The following LAMA2 variants were observed in gnomAD, a reference collection of about 807,000 sequenced individuals.
The protein encoded by LAMA2 is laminin subunit alpha 2.
LAMA2 carries 269 observed loss-of-function variants against 364.8 expected under a neutral mutation model. The ratio of observed to expected loss-of-function variants is 0.74; its 90% CI spans 0.67 to 0.82. The LOEUF is 0.82. Ranked by LOEUF, LAMA2 falls within the 40% of genes least tolerant of loss-of-function variation. The pLI, the probability that LAMA2 is intolerant of heterozygous loss-of-function variation, is 0.00. For synonymous variants in LAMA2, 1,379 were observed against 1,370.6 expected, an observed-to-expected ratio of 1.01 and a Z score of -0.14; for missense variants, 3,807 against 3,873.2, an observed-to-expected ratio of 0.98 and a Z score of 0.45.
chr6:129,315,472 G>T lies in LAMA2; in HGVS notation c.3556-4G>T, dbSNP rs371404086. ...GCCTTCTGCTGTATTTTGACCCCTT[G>T]CAGGTGACTCTGAAGGCTGAGCAGA... On this transcript the variant is annotated splice_polypyrimidine_tract_variant and splice_region_variant and intron_variant, in intron 24 of 64. Transcript: ENST00000421865. The T allele has an allele frequency of 3.7e-6, 6 of 1,613,928 alleles. No individual in the cohort carries two copies. The highest frequency in any genetic ancestry group is 5.1e-6 in the Non-Finnish European group (6 of 1,179,796).
chr6:129,382,455 G>T (rs779671094), intron 34 of LAMA2, among the ~76,000 whole-genome samples: 1 of 152,120 alleles, frequency 6.6e-6, no homozygotes, highest in Admixed American at 6.5e-5. Context: ...TCTTTGGGAG[G>T]TGGGGCTGTT....
intron 15 of LAMA2, among the ~76,000 whole-genome samples, chr6:129,262,650 T>G (rs953419078): frequency 6.6e-6 from 1 of 152,180 alleles, no homozygotes; most frequent in African/African-American, 2.4e-5. Flanking sequence ...TCTTCTACTC[T>G]CTAAAATTCA....
At chr6:128,967,904 A>G (rs1438525035) in intron 1 of LAMA2, among the ~76,000 whole-genome samples, 1 of 152,186 alleles carries the variant, frequency 6.6e-6, no homozygotes, top group African/African-American at 2.4e-5. Flanking sequence ...TCTTAGCCGA[A>G]GATTCCCAGC....
rs1786690197 is a variant in LAMA2 at position 129,512,613 on chromosome 6, A to G, written c.8988+120A>G. 34 of 1,114,328 alleles carry G rather than the reference A, an allele frequency of 3.1e-5. No individual in the cohort carries two copies. In the South Asian group the frequency reaches 4.0e-4, roughly 13 times the overall value. The allele number at this position is 1,114,328 out of a possible 1,614,324, so 69.0% of individuals were successfully genotyped here. Reference sequence around the variant, plus strand: ...CCGGCTGTATTCTTTGTTGGGAGAAAGCTAAATTGTATGTTTTCATCCTTC... The same window carrying G: ...CCGGCTGTATTCTTTGTTGGGAGAAGGCTAAATTGTATGTTTTCATCCTTC... On this transcript the variant is annotated intron_variant, in intron 63 of 64. Transcript: ENST00000421865.
At chr6:129,445,600 C>A in intron 44 of LAMA2, 67 bp from the exon 45 acceptor site, 1 of 1,330,768 alleles carries the variant, frequency 7.5e-7, no homozygotes, top group Non-Finnish European at 1.1e-6. Flanking sequence ...AAGCATACTG[C>A]TATTCTAATT....
intron 28 of LAMA2, among the ~76,000 whole-genome samples, chr6:129,327,180 G>T (rs543362471): frequency 1.3e-5 from 2 of 152,084 alleles, no homozygotes; most frequent in African/African-American, 4.8e-5. Flanking sequence ...TCTTGATTAA[G>T]TGCTTAATTG....
At chr6:129,459,529 C>G (rs1346420638) in intron 48 of LAMA2, among the ~76,000 whole-genome samples, 1 of 152,076 alleles carries the variant, frequency 6.6e-6, no homozygotes, top group African/African-American at 2.4e-5. Flanking sequence ...GCAAACGACA[C>G]CAATGTGGTC....
chr6:129,372,895 T>TA (rs1778167627), intron 34 of LAMA2, among the ~76,000 whole-genome samples: 1 of 152,226 alleles, frequency 6.6e-6, no homozygotes, highest in South Asian at 2.1e-4. Flanking sequence ...CTTAATGACA[T>TA]ATGATGTCGA....
intron 8 of LAMA2, among the ~76,000 whole-genome samples, chr6:129,160,594 A>G (rs1779390762): frequency 6.6e-6 from 1 of 151,294 alleles, no homozygotes; most frequent in Non-Finnish European, 1.5e-5. Context: ...TATATTATTC[A>G]TTTGACCTGT....
At chr6:129,042,351 T>G (rs961295576) in intron 1 of LAMA2, among the ~76,000 whole-genome samples, 14 of 152,098 alleles carry the variant, frequency 9.2e-5, no homozygotes, top group Non-Finnish European at 1.9e-4. Flanking sequence ...CATGTTTGAG[T>G]AGGGAGGAGA....
At chr6:129,150,711 AACAT>A (rs1424632970) in intron 7 of LAMA2, among the ~76,000 whole-genome samples, 27 of 152,166 alleles carry the variant, frequency 1.8e-4, no homozygotes, top group Admixed American at 6.5e-4. Flanking sequence ...CTGAAAAACA[AACAT>A]TTTAAAAACG....
At chr6:129,101,924 A>G (rs1321742522) in intron 4 of LAMA2, among the ~76,000 whole-genome samples, 1 of 152,144 alleles carries the variant, frequency 6.6e-6, no homozygotes, top group Non-Finnish European at 1.5e-5. Flanking sequence ...TGTATACACT[A>G]TGTATTTTAA....
chr6:129,496,796 A>G (rs1232250498), intron 58 of LAMA2, among the ~76,000 whole-genome samples: 4 of 152,226 alleles, frequency 2.6e-5, no homozygotes, highest in African/African-American at 9.6e-5. Flanking sequence ...TTTTTCTGCC[A>G]TAGCCCTCCC....
chr6:129,160,784 C>T (rs7750547), intron 8 of LAMA2, among the ~76,000 whole-genome samples: 151,723 of 151,906 alleles, frequency 1, 75,770 homozygotes, highest in Middle Eastern at 1. Flanking sequence ...TTTAACATAA[C>T]TTCTAATTTC....
chr6:129,444,178 G>A (rs1294162430), intron 44 of LAMA2, among the ~76,000 whole-genome samples: 4 of 152,128 alleles, frequency 2.6e-5, no homozygotes, highest in African/African-American at 9.7e-5. Context: ...CCGGAGAATA[G>A]AGGAAAAAGA....
chr6:129,350,880 C>G (rs993579664), intron 31 of LAMA2, among the ~76,000 whole-genome samples: 1 of 152,144 alleles, frequency 6.6e-6, no homozygotes. Context: ...TGTGGTAACT[C>G]TAAACACAGT....
At chr6:129,367,082 AAGAG>A (rs1777818380) in intron 33 of LAMA2, among the ~76,000 whole-genome samples, 1 of 152,208 alleles carries the variant, frequency 6.6e-6, no homozygotes, top group Admixed American at 6.5e-5. Context: ...TCTTGTACTA[AAGAG>A]CTAGAACTAG....
At chr6:129,181,948 A>G (rs1022820838) in intron 10 of LAMA2, among the ~76,000 whole-genome samples, 3 of 151,842 alleles carry the variant, frequency 2.0e-5, no homozygotes, top group African/African-American at 4.8e-5. Flanking sequence ...GTGAGTGTTT[A>G]CCACTCACAG....
chr6:129,365,859 T>A (rs947723082), intron 32 of LAMA2, among the ~76,000 whole-genome samples: 1 of 152,154 alleles, frequency 6.6e-6, no homozygotes, highest in African/African-American at 2.4e-5. Context: ...TCCTTTCGAT[T>A]GCTCATGTAG....
Sources: allele counts gnomAD v4.1 joint callset (sites outside exome capture counted in the v4.1 genomes callset), GRCh38; gene constraint gnomAD v4.1.1; transcripts MANE v1.5; gene names NCBI Gene and HGNC (gene_info 2026-07-23, HGNC 2026-07-21).